Variants in RHD observed in about 807,000 individuals in gnomAD.
RHD encodes the protein Rh blood group D antigen, also known as blood group Rh(D) polypeptide.
A neutral mutation model predicts 45.5 loss-of-function variants in RHD; 16 were observed. The observed-to-expected ratio is 0.35, with a 90% CI of 0.24 to 0.53. RHD has a LOEUF of 0.53. RHD is among the 20% of genes least tolerant of loss of function. RHD has a pLI of 0.92. For synonymous variants in RHD, 131 were observed against 217.5 expected, an observed-to-expected ratio of 0.60 and a Z score of 3.50; for missense variants, 306 against 532.0, an observed-to-expected ratio of 0.58 and a Z score of 4.18.
At position 25,305,031 on chromosome 1, in the gene RHD, T is replaced by C. The variant is rs1323355194; in HGVS notation, c.940-1565T>C. Among the ~76,000 whole-genome samples, 2 of 132,736 alleles carry C rather than the reference T, an allele frequency of 1.5e-5. 1 individual carries two copies. Among genetic ancestry groups the C allele is most frequent in the Non-Finnish European group, 3.6e-5 (2 of 56,182 alleles). 87.1% of individuals were successfully genotyped at this position (132,736 alleles called of 152,430 possible). On this transcript the variant is annotated intron_variant, in intron 6 of 9. Transcript: ENST00000328664. The stretch of plus-strand genomic sequence containing the variant: ...AACACTCATCTTGCTTTTCAAGCTA[T>C]AGTTTAGTGAGCGAAATGGATACAC...
At chr1:25,321,278 T>C (rs1644683263) in intron 8 of RHD, among the ~76,000 whole-genome samples, 1 of 123,618 alleles carries the variant, frequency 8.1e-6, no homozygotes, top group South Asian at 2.5e-4. Context: ...TTTTACTCCA[T>C]CTGGGGAAGG....
At chr1:25,321,365 A>C (rs1363173658) in intron 8 of RHD, among the ~76,000 whole-genome samples, 2 of 124,998 alleles carry the variant, frequency 1.6e-5, no homozygotes, top group African/African-American at 5.4e-5. Context: ...AAAAAAAAAA[A>C]TGTCTACAGA....
Position 25,282,447 on chromosome 1 carries a change from C to A in RHD, c.149-2126C>A, listed in dbSNP as rs532012683. Among the ~76,000 whole-genome samples the A allele has an allele frequency of 2.5e-4, 33 of 131,250 alleles. 2 individuals are homozygous for A. In the East Asian group the frequency reaches 5.7e-3, roughly 23 times the overall value. The allele number at this position is 131,250 out of a possible 152,430, so 86.1% of individuals were successfully genotyped here. On this transcript the variant is annotated intron_variant, in intron 1 of 9. Coordinates refer to ENST00000328664, the MANE Select transcript of RHD (RefSeq NM_016124.6). ...ACGGGGTTTCACCATGTTGGCCAGG[C>A]TAGTCTCGAACTGCTGACTTCATGA...
chr1:25,294,638 C>G, intron 3 of RHD: 1 of 1,031,080 alleles, frequency 9.7e-7, no homozygotes, highest in South Asian at 1.3e-5. Context: ...TCCAGGGAAC[C>G]GCCATCTCGT....
At position 25,300,891 on chromosome 1, in the gene RHD, C is replaced by T. The variant is rs1173928070; in HGVS notation, c.487-55C>T. On this transcript the variant is annotated intron_variant, in intron 3 of 9. Coordinates refer to ENST00000328664, the MANE Select transcript of RHD (RefSeq NM_016124.6). ...GAACTTTCTCCAAGGACTATCAGGGCTTGCCCCGGGCAGAGGATGCCGACA... is the reference window on the plus strand; with the variant it reads ...GAACTTTCTCCAAGGACTATCAGGGTTTGCCCCGGGCAGAGGATGCCGACA... 19 of 1,362,610 alleles carry T rather than the reference C, an allele frequency of 1.4e-5. 2 individuals are homozygous for T. The African/African-American group carries it at 2.2e-4, about 16-fold the overall frequency. The allele number at this position is 1,362,610 out of a possible 1,614,324, so 84.4% of individuals were successfully genotyped here. A position where few individuals can be genotyped will look rare whatever the true frequency, so the allele number is the denominator to read the frequency against.
At position 25,305,725 on chromosome 1, in the gene RHD, T is replaced by C. The variant is rs1195121177; in HGVS notation, c.940-871T>C. ...ACACCATTCTCCTGCCTCAGCCTCC[T>C]GAGTAGCTGGGTCTACAGGCGCCCA... On this transcript the variant is annotated intron_variant, in intron 6 of 9. Coordinates refer to ENST00000328664, the MANE Select transcript of RHD (RefSeq NM_016124.6). 6.9e-5 allele frequency among the ~76,000 whole-genome samples: 9 copies of C among 130,382 alleles called. 1 individual carries two copies. The highest frequency in any genetic ancestry group is 4.5e-4 in the Admixed American group (6 of 13,314). 85.5% of individuals were successfully genotyped at this position (130,382 alleles called of 152,430 possible). A position where few individuals can be genotyped will look rare whatever the true frequency, so the allele number is the denominator to read the frequency against.
intron 9 of RHD, among the ~76,000 whole-genome samples, chr1:25,323,296 C>T (rs1272532469): frequency 7.5e-5 from 7 of 92,898 alleles, no homozygotes; most frequent in African/African-American, 2.5e-4. Context: ...TACATTTTAA[C>T]GTATTTATAC....
At chr1:25,280,916 C>G (rs1266103450) in intron 1 of RHD, among the ~76,000 whole-genome samples, 16 of 132,398 alleles carry the variant, frequency 1.2e-4, no homozygotes, top group African/African-American at 4.1e-4. Context: ...GCCACCATAC[C>G]TGGTCTGACT....
intron 7 of RHD, among the ~76,000 whole-genome samples, chr1:25,309,829 G>A (rs1395002093): frequency 1.5e-5 from 2 of 132,580 alleles, no homozygotes; most frequent in African/African-American, 5.2e-5. Context: ...TGAGGGTCTC[G>A]CCAGGGGAGA....
chr1:25,303,319 C>T lies in RHD; in HGVS notation c.802-3C>T, dbSNP rs781622892. 2 of 1,363,798 alleles carry T rather than the reference C, an allele frequency of 1.5e-6. No individual in the cohort carries two copies. The highest frequency in any genetic ancestry group is 2.2e-5 in the East Asian group (1 of 44,638). The allele number at this position is 1,363,798 out of a possible 1,614,324, so 84.5% of individuals were successfully genotyped here. On this transcript the variant is annotated splice_polypyrimidine_tract_variant and splice_region_variant and intron_variant, in intron 5 of 9. Transcript: ENST00000328664. ...CCTTTACCCACACGCTATTTCTTTG[C>T]AGACTTATGTGCACAGTGCGGTGTT... is the stretch of plus-strand genomic sequence containing the variant.
At position 25,294,636 on chromosome 1, in the gene RHD, A is replaced by T. The variant is rs1642787576; in HGVS notation, c.486+3845A>T. On this transcript the variant is annotated intron_variant, in intron 3 of 9. Coordinates refer to ENST00000328664, the MANE Select transcript of RHD (RefSeq NM_016124.6). ...GCAAACGGCACTCAGCCTCCAGGGA[A>T]CCGCCATCTCGTTCCTGAGGCGGAG... 16 of 1,037,844 alleles carry T rather than the reference A, an allele frequency of 1.5e-5. 3 individuals carry two copies. Among genetic ancestry groups the T allele is most frequent in the Non-Finnish European group, 2.1e-5 (14 of 675,852 alleles). 64.3% of individuals were successfully genotyped at this position (1,037,844 alleles called of 1,614,324 possible). A position where few individuals can be genotyped will look rare whatever the true frequency, so the allele number is the denominator to read the frequency against.
In RHD at chr1:25,300,222, A is replaced by G. The variant is rs958241174; in HGVS notation, c.487-724A>G. 3.0e-5 allele frequency among the ~76,000 whole-genome samples: 4 copies of G among 131,316 alleles called. 2 individuals carry two copies. Among genetic ancestry groups the G allele is most frequent in the Non-Finnish European group, 7.2e-5 (4 of 55,704 alleles). 86.1% of individuals were successfully genotyped at this position (131,316 alleles called of 152,430 possible). A position where few individuals can be genotyped will look rare whatever the true frequency, so the allele number is the denominator to read the frequency against. On this transcript the variant is annotated intron_variant, in intron 3 of 9. Transcript: ENST00000328664. ...CTAAGTGAACCTTGGTCAAAAGCATATAAGAGCTACTGATAGGCCGGGTGT... is the reference window on the plus strand; with the variant it reads ...CTAAGTGAACCTTGGTCAAAAGCATGTAAGAGCTACTGATAGGCCGGGTGT...
chr1:25,311,722 T>G (rs3094243), intron 7 of RHD, among the ~76,000 whole-genome samples: 87,942 of 126,194 alleles, frequency 0.7, 36,028 homozygotes, highest in South Asian at 0.86. Context: ...CTTGGGTCTC[T>G]GCTCCCCACA....
intron 7 of RHD, among the ~76,000 whole-genome samples, chr1:25,307,410 T>C (rs1263292061): frequency 7.6e-6 from 1 of 132,130 alleles, no homozygotes; most frequent in Non-Finnish European, 1.8e-5. Context: ...ACATGGCTTA[T>C]ATAAAATGAA....
At position 25,293,819 on chromosome 1, in the gene RHD, G is replaced by C. The variant is rs560104212; in HGVS notation, c.486+3028G>C. On this transcript the variant is annotated intron_variant, in intron 3 of 9. Coordinates refer to ENST00000328664, the MANE Select transcript of RHD (RefSeq NM_016124.6). ...ATTCCCAAGGCAAATATGGAAATTT[G>C]ATCATGTACTAATCATAATAAAGCT... is the stretch of plus-strand genomic sequence containing the variant. Among the ~76,000 whole-genome samples, 3 of 131,950 alleles carry C rather than the reference G, an allele frequency of 2.3e-5. 1 individual carries two copies. Among genetic ancestry groups the C allele is most frequent in the Non-Finnish European group, 3.6e-5 (2 of 55,896 alleles). 86.6% of individuals were successfully genotyped at this position (131,950 alleles called of 152,430 possible). A position where few individuals can be genotyped will look rare whatever the true frequency, so the allele number is the denominator to read the frequency against.
chr1:25,290,524 G>T, intron 2 of RHD, 117 bp from the exon 3 acceptor site: 1 of 944,360 alleles, frequency 1.1e-6, no homozygotes, highest in Non-Finnish European at 1.7e-6. Context: ...TATTCCCACA[G>T]AAAGTAGGTG....
In RHD at chr1:25,288,315, C is replaced by T. The variant is rs187716864; in HGVS notation, c.336-2326C>T. Reference sequence around the variant, plus strand: ...TTACAGCCTCCTGAGTAGCTGAGACCACAGGCACACACCACCACACCTAGC... The same window carrying T: ...TTACAGCCTCCTGAGTAGCTGAGACTACAGGCACACACCACCACACCTAGC... On this transcript the variant is annotated intron_variant, in intron 2 of 9. Transcript: ENST00000328664. Among the ~76,000 whole-genome samples, 28 of 126,964 alleles carry T rather than the reference C, an allele frequency of 2.2e-4. 8 individuals are homozygous for T. In the Middle Eastern group the frequency reaches 0.013, roughly 58 times the overall value. The allele number at this position is 126,964 out of a possible 152,430, so 83.3% of individuals were successfully genotyped here.
intron 7 of RHD, among the ~76,000 whole-genome samples, chr1:25,312,947 A>AAAAAAAAAAAAAAAAAAAAAAAAAAAG (rs1644238926): frequency 9.1e-6 from 1 of 110,162 alleles, no homozygotes; most frequent in Admixed American, 9.2e-5. Context: ...AAAAAAAAAA[A>AAAAAAAAAAAAAAAAAAAAAAAAAAAG]AAAAAAAACT....
intron 5 of RHD, among the ~76,000 whole-genome samples, chr1:25,302,132 G>A (rs752832689): frequency 1.5e-5 from 2 of 131,258 alleles, no homozygotes; most frequent in Non-Finnish European, 1.8e-5. Context: ...CCACTTCAAC[G>A]TTTTGAGTCT....
Sources: gnomAD v4.1 joint callset for allele counts (sites outside exome capture counted in the v4.1 genomes callset) on GRCh38, gnomAD v4.1.1 for gene constraint, MANE v1.5 for transcripts, NCBI Gene and HGNC (gene_info 2026-07-23, HGNC 2026-07-21) for gene names.